The following CCSER1 variants were observed in gnomAD, a reference collection of about 807,000 sequenced individuals.
CCSER1 encodes the protein serine-rich coiled-coil domain-containing protein 1.
A neutral mutation model predicts 82.0 loss-of-function variants in CCSER1; 41 were observed. The ratio of observed to expected loss-of-function variants is 0.50; its 90% CI spans 0.39 to 0.65. CCSER1 has a LOEUF of 0.65. Among genes scored for constraint, CCSER1 ranks in the 30% least tolerant of loss-of-function variants. The pLI, the probability that CCSER1 is intolerant of heterozygous loss-of-function variation, is 0.00. For synonymous variants in CCSER1, 414 were observed against 383.9 expected (o/e 1.08, Z -0.92); for missense variants, 1,119 against 1,064.2 (o/e 1.05, Z -0.72).
intron 6 of CCSER1, among the ~76,000 whole-genome samples, chr4:90,721,300 C>G (rs1408217527): frequency 6.6e-6 from 1 of 151,708 alleles, no homozygotes; most frequent in Non-Finnish European, 1.5e-5. Flanking sequence ...CAACCAAAAA[C>G]CAGGTTAAGA....
chr4:90,172,755 T>G (rs569812404), intron 1 of CCSER1, among the ~76,000 whole-genome samples: 5 of 151,948 alleles, frequency 3.3e-5, no homozygotes, highest in African/African-American at 1.2e-4. Flanking sequence ...GCATGCAACC[T>G]TGAAAGTCAT....
chr4:91,246,857 C>T (rs1739826194), intron 10 of CCSER1, among the ~76,000 whole-genome samples: 1 of 151,378 alleles, frequency 6.6e-6, no homozygotes, highest in African/African-American at 2.4e-5. Flanking sequence ...CACACACACA[C>T]GGATAGCAAG....
intron 7 of CCSER1, among the ~76,000 whole-genome samples, chr4:90,767,753 C>G (rs1580375639): frequency 6.6e-6 from 1 of 152,064 alleles, no homozygotes; most frequent in Non-Finnish European, 1.5e-5. Context: ...CAGTTTGCTC[C>G]ATCTCCAGGG....
Position 91,216,255 on chromosome 4 carries a change from A to G in CCSER1, c.2217+130261A>G, listed in dbSNP as rs749198606. On this transcript the variant is annotated intron_variant, in intron 10 of 10. Coordinates refer to ENST00000509176, the MANE Select transcript of CCSER1 (RefSeq NM_001145065.2). ...CTCTTGTCAGTTTATCACAGTGCGC[A>G]TAAAATGTTAATCACTTTCTTATGA... is the stretch of plus-strand genomic sequence containing the variant. Among the ~76,000 whole-genome samples the G allele has an allele frequency of 1.2e-4, 18 of 152,240 alleles. 1 individual carries two copies. The highest frequency in any genetic ancestry group is 2.2e-4 in the Non-Finnish European group (15 of 68,044).
intron 8 of CCSER1, among the ~76,000 whole-genome samples, chr4:90,857,378 T>C (rs1764572639): frequency 2.0e-5 from 3 of 152,062 alleles, no homozygotes; most frequent in African/African-American, 4.8e-5. Flanking sequence ...TCTCTCCATA[T>C]GTAACGGACA....
intron 1 of CCSER1, among the ~76,000 whole-genome samples, chr4:90,253,551 CTGTTAT>C (rs1384246394): frequency 6.6e-6 from 1 of 152,076 alleles, no homozygotes; most frequent in African/African-American, 2.4e-5. Flanking sequence ...GAAAACTCAG[CTGTTAT>C]TGTTATTGGG....
chr4:90,867,085 T>G (rs1469404266), intron 8 of CCSER1, among the ~76,000 whole-genome samples: 1 of 152,002 alleles, frequency 6.6e-6, no homozygotes, highest in Non-Finnish European at 1.5e-5. Flanking sequence ...TTACTTCTAT[T>G]CGCACTTGCC....
chr4:91,432,485 G>A (rs1160286106), intron 10 of CCSER1, among the ~76,000 whole-genome samples: 1 of 151,984 alleles, frequency 6.6e-6, no homozygotes, highest in Non-Finnish European at 1.5e-5. Context: ...TCTGTATCAG[G>A]CTTAAAACAA....
Position 91,572,481 on chromosome 4 carries a change from C to T in CCSER1, c.2218-26091C>T, listed in dbSNP as rs1415676511. 5.3e-5 allele frequency among the ~76,000 whole-genome samples: 8 copies of T among 152,214 alleles called. No individual in the cohort carries two copies. The East Asian group carries it at 5.8e-4, about 11-fold the overall frequency. Reference sequence around the variant, plus strand: ...CAATTCCTGGTTGCCTCAAACACTTCGATGACCAAAGGCTGGAACAGTGAT... The same window carrying T: ...CAATTCCTGGTTGCCTCAAACACTTTGATGACCAAAGGCTGGAACAGTGAT... On this transcript the variant is annotated intron_variant, in intron 10 of 10. Coordinates refer to ENST00000509176, the MANE Select transcript of CCSER1 (RefSeq NM_001145065.2).
intron 5 of CCSER1, among the ~76,000 whole-genome samples, chr4:90,478,956 G>A (rs1183407184): frequency 1.3e-5 from 2 of 151,900 alleles, no homozygotes; most frequent in African/African-American, 4.8e-5. Context: ...AGTCAGGCTG[G>A]TCTTGAACTC....
At chr4:91,094,535 G>C (rs1216326582) in intron 10 of CCSER1, among the ~76,000 whole-genome samples, 3 of 152,142 alleles carry the variant, frequency 2.0e-5, no homozygotes, top group East Asian at 1.9e-4. Flanking sequence ...AGGTAGGAGG[G>C]GGGTGTTCCA....
chr4:90,602,770 C>T (rs1784182005), intron 5 of CCSER1, among the ~76,000 whole-genome samples: 1 of 152,152 alleles, frequency 6.6e-6, no homozygotes, highest in Non-Finnish European at 1.5e-5. Context: ...CAGGTGAATA[C>T]TATGCACATA....
intron 4 of CCSER1, among the ~76,000 whole-genome samples, chr4:90,412,479 AG>A (rs530655343): frequency 4.3e-4 from 66 of 152,056 alleles, no homozygotes; most frequent in African/African-American, 1.5e-3. Flanking sequence ...AATAAAAAAA[AG>A]AATTTTGAAT....
intron 10 of CCSER1, among the ~76,000 whole-genome samples, chr4:91,341,258 G>T (rs543250763): frequency 8.5e-5 from 13 of 152,142 alleles, no homozygotes; most frequent in African/African-American, 3.1e-4. Flanking sequence ...CTACAAAAGG[G>T]CACCATAGAG....
intron 4 of CCSER1, among the ~76,000 whole-genome samples, chr4:90,428,380 G>A (rs1387732759): frequency 6.6e-6 from 1 of 151,818 alleles, no homozygotes; most frequent in Non-Finnish European, 1.5e-5. Context: ...CCCCCATGCA[G>A]CTAGAAATCC....
chr4:91,043,583 C>CTTTTTTTTTTTTTTTTTTTTTTTTTT (rs11364315), intron 9 of CCSER1, among the ~76,000 whole-genome samples: 1 of 71,566 alleles, frequency 1.4e-5, no homozygotes, highest in Non-Finnish European at 2.8e-5. Flanking sequence ...CATCAGCCTT[C>CTTTTTTTTTTTTTTTTTTTTTTTTTT]TTTTTTTTTT....
At chr4:91,557,500 TAAATA>T (rs1409188767) in intron 10 of CCSER1, among the ~76,000 whole-genome samples, 1 of 151,462 alleles carries the variant, frequency 6.6e-6, no homozygotes, top group Non-Finnish European at 1.5e-5. Context: ...AATTGATACA[TAAATA>T]AATAAACAAT....
chr4:91,230,579 T>A (rs557109732), intron 10 of CCSER1, among the ~76,000 whole-genome samples: 3 of 152,094 alleles, frequency 2.0e-5, no homozygotes, highest in Non-Finnish European at 4.4e-5. Flanking sequence ...ATAGAAGTCA[T>A]AATATATACA....
chr4:91,309,446 A>G (rs886728033), intron 10 of CCSER1, among the ~76,000 whole-genome samples: 3 of 152,068 alleles, frequency 2.0e-5, no homozygotes, highest in African/African-American at 4.8e-5. Flanking sequence ...AGAAAGAAAG[A>G]GAGAAACATA....
Sources: gnomAD v4.1 joint callset for allele counts (sites outside exome capture counted in the v4.1 genomes callset) on GRCh38, gnomAD v4.1.1 for gene constraint, MANE v1.5 for transcripts, NCBI Gene and HGNC (gene_info 2026-07-23, HGNC 2026-07-21) for gene names.